The following THSD7B variants were observed in gnomAD, a reference collection of about 807,000 sequenced individuals.
The protein encoded by THSD7B is thrombospondin type-1 domain-containing protein 7B.
In THSD7B, 138 loss-of-function variants were observed where a neutral mutation model predicts 213.6. The ratio of observed to expected loss-of-function variants is 0.65; its 90% CI spans 0.56 to 0.74. The LOEUF (loss-of-function observed/expected upper bound fraction) is 0.74. Ranked by LOEUF, THSD7B falls within the 30% of genes least tolerant of loss-of-function variation. THSD7B has a pLI of 0.00. For missense variants in THSD7B, 1,931 were observed against 1,991.5 expected (o/e 0.97, Z 0.58); for synonymous variants, 742 against 687.0 (o/e 1.08, Z -1.25).
At chr2:137,380,639 G>A (rs1335119171) in intron 12 of THSD7B, among the ~76,000 whole-genome samples, 1 of 152,172 alleles carries the variant, frequency 6.6e-6, no homozygotes, top group African/African-American at 2.4e-5. Context: ...AAGCTGAAAA[G>A]GGTGAGATAA....
At chr2:137,634,113 C>A (rs1172053605) in intron 20 of THSD7B, among the ~76,000 whole-genome samples, 1 of 152,082 alleles carries the variant, frequency 6.6e-6, no homozygotes, top group Non-Finnish European at 1.5e-5. Flanking sequence ...CTCTTTTATT[C>A]ATTAACCTGA....
intron 1 of THSD7B, among the ~76,000 whole-genome samples, chr2:136,771,080 G>A (rs956973729): frequency 2.6e-5 from 4 of 152,108 alleles, no homozygotes; most frequent in Non-Finnish European, 4.4e-5. Flanking sequence ...GTATGTGGGA[G>A]TAGTTCAACA....
rs375989341 is a variant in THSD7B at position 137,325,660 on chromosome 2, G to C, written c.2500+49634G>C. Among the ~76,000 whole-genome samples the C allele has an allele frequency of 1.1e-4, 16 of 152,258 alleles. No homozygotes were observed. In the South Asian group the frequency reaches 2.1e-3, roughly 20 times the overall value. On this transcript the variant is annotated intron_variant, in intron 12 of 27. Coordinates refer to ENST00000409968, the MANE Select transcript of THSD7B (RefSeq NM_001316349.2). The stretch of plus-strand genomic sequence containing the variant: ...CCGATACTCTACCCATGTTAACTGA[G>C]TTTAATAAATGTAAAATAAGAATGA...
intron 1 of THSD7B, among the ~76,000 whole-genome samples, chr2:136,807,850 C>T (rs1004489212): frequency 2.2e-4 from 33 of 152,172 alleles, no homozygotes; most frequent in Non-Finnish European, 4.4e-4. Flanking sequence ...GTCCTAGAAC[C>T]AGCCATTTCT....
intron 1 of THSD7B, among the ~76,000 whole-genome samples, chr2:136,773,501 A>G (rs1681546892): frequency 6.6e-6 from 1 of 152,160 alleles, no homozygotes; most frequent in Non-Finnish European, 1.5e-5. Context: ...ATGTCTTATT[A>G]ACCCAATGTA....
intron 3 of THSD7B, among the ~76,000 whole-genome samples, chr2:137,092,790 A>G (rs1249656137): frequency 6.6e-6 from 1 of 152,074 alleles, no homozygotes; most frequent in Non-Finnish European, 1.5e-5. Flanking sequence ...ACACACCACC[A>G]CCATGCCTTG....
chr2:137,596,346 T>C (rs914980501), intron 17 of THSD7B, among the ~76,000 whole-genome samples: 2 of 152,050 alleles, frequency 1.3e-5, no homozygotes, highest in Non-Finnish European at 2.9e-5. Context: ...GTTGCCAGTA[T>C]ATGGAATTAG....
At chr2:136,897,361 C>A (rs1024670461) in intron 2 of THSD7B, among the ~76,000 whole-genome samples, 2 of 152,002 alleles carry the variant, frequency 1.3e-5, no homozygotes, top group African/African-American at 4.8e-5. Context: ...CTGGTGGGCT[C>A]GTGGTCTCGC....
intron 14 of THSD7B, among the ~76,000 whole-genome samples, chr2:137,444,844 A>G (rs1374854967): frequency 6.6e-6 from 1 of 152,024 alleles, no homozygotes; most frequent in African/African-American, 2.4e-5. Context: ...CTACAGAACG[A>G]GAGAAAATAT....
chr2:137,558,296 T>C (rs1681027678), intron 15 of THSD7B, among the ~76,000 whole-genome samples: 1 of 152,114 alleles, frequency 6.6e-6, no homozygotes, highest in Non-Finnish European at 1.5e-5. Context: ...CTGATGAACA[T>C]CGATGCAAAA....
intron 17 of THSD7B, among the ~76,000 whole-genome samples, chr2:137,609,207 G>A (rs182610263): frequency 6.6e-6 from 1 of 152,206 alleles, no homozygotes; most frequent in Admixed American, 6.6e-5. Flanking sequence ...TAAAGCCCAT[G>A]AGCCTATTAG....
chr2:137,354,998 T>C (rs1161580783), intron 12 of THSD7B, among the ~76,000 whole-genome samples: 1 of 152,140 alleles, frequency 6.6e-6, no homozygotes, highest in Non-Finnish European at 1.5e-5. Context: ...AGCATAGAAA[T>C]GGCAAAGTAA....
intron 12 of THSD7B, among the ~76,000 whole-genome samples, chr2:137,368,922 A>G (rs1390205937): frequency 6.6e-6 from 1 of 151,988 alleles, no homozygotes; most frequent in East Asian, 1.9e-4. Context: ...TCTGCTTGGA[A>G]TTTCTTGGAC....
At chr2:136,902,476 A>G (rs528193017) in intron 2 of THSD7B, among the ~76,000 whole-genome samples, 47 of 152,304 alleles carry the variant, frequency 3.1e-4, no homozygotes, top group African/African-American at 1.1e-3. Flanking sequence ...GCAGGAAGAC[A>G]GGTTGGAGCA....
At chr2:137,399,752 A>G (rs948103214) in intron 12 of THSD7B, among the ~76,000 whole-genome samples, 20 of 152,138 alleles carry the variant, frequency 1.3e-4, no homozygotes, top group African/African-American at 4.8e-4. Flanking sequence ...TATCTAGAAT[A>G]AGGATGTTTT....
At chr2:137,668,900 G>A (rs548985608) in intron 27 of THSD7B, among the ~76,000 whole-genome samples, 2 of 152,274 alleles carry the variant, frequency 1.3e-5, no homozygotes, top group South Asian at 4.2e-4. Flanking sequence ...AGGCTGAGGA[G>A]GAGGAGGAAG....
At chr2:137,199,728 TC>T (rs1415997776) in intron 7 of THSD7B, among the ~76,000 whole-genome samples, 1 of 152,170 alleles carries the variant, frequency 6.6e-6, no homozygotes, top group African/African-American at 2.4e-5. Context: ...ATAATTTATT[TC>T]CCCATATCAG....
At chr2:136,809,671 G>A (rs192713216) in intron 1 of THSD7B, among the ~76,000 whole-genome samples, 5 of 152,226 alleles carry the variant, frequency 3.3e-5, no homozygotes, top group East Asian at 3.9e-4. Flanking sequence ...AAAGTCTTAC[G>A]AGGATTCTTA....
intron 17 of THSD7B, among the ~76,000 whole-genome samples, chr2:137,582,032 GT>G (rs2105247050): frequency 6.6e-6 from 1 of 151,896 alleles, no homozygotes; most frequent in East Asian, 1.9e-4. Context: ...GGAGGCAGAG[GT>G]TGCAGGAGGT....
Sources: allele counts gnomAD v4.1 joint callset (sites outside exome capture counted in the v4.1 genomes callset), GRCh38; gene constraint gnomAD v4.1.1; transcripts MANE v1.5; gene names NCBI Gene and HGNC (gene_info 2026-07-23, HGNC 2026-07-21).